Variants in CDKAL1 observed in about 807,000 individuals in gnomAD.
The protein encoded by CDKAL1 is CDKAL1 threonylcarbamoyladenosine tRNA methylthiotransferase, also known as threonylcarbamoyladenosine tRNA methylthiotransferase.
In CDKAL1, 32 loss-of-function variants were observed where a neutral mutation model predicts 68.2. That is an observed-to-expected ratio of 0.47 (90% CI 0.35 to 0.63). The LOEUF (loss-of-function observed/expected upper bound fraction) is 0.63, where lower values mean the gene tolerates loss of function less well. Ranked by LOEUF, CDKAL1 falls within the 30% of genes least tolerant of loss-of-function variation. The pLI is 0.00. For synonymous variants in CDKAL1, 234 were observed against 244.3 expected (o/e 0.96, Z 0.39); for missense variants, 606 against 696.7 (o/e 0.87, Z 1.47).
At chr6:20,642,899 A>AAACAACAACAAC (rs79933332) in intron 4 of CDKAL1, among the ~76,000 whole-genome samples, 5 of 150,316 alleles carry the variant, frequency 3.3e-5, no homozygotes, top group East Asian at 3.9e-4. Flanking sequence ...ACTTTGTCTC[A>AAACAACAACAAC]AACAACAACA....
rs7761116 is a variant in CDKAL1 at position 21,156,855 on chromosome 6, G to A, written c.1300-41166G>A. Among the ~76,000 whole-genome samples, 854 of 152,262 alleles carry A rather than the reference G, an allele frequency of 5.6e-3. 7 individuals are homozygous for A. Among genetic ancestry groups the A allele is most frequent in the African/African-American group, 0.019 (770 of 41,546 alleles). ...GCTTTGGCATGGAATCCTTCTAAGA[G>A]TATCAAACTGTATAAAGTAGGTAGG... is the stretch of plus-strand genomic sequence containing the variant. On this transcript the variant is annotated intron_variant, in intron 13 of 15. Coordinates refer to ENST00000274695, the MANE Select transcript of CDKAL1 (RefSeq NM_017774.3).
chr6:20,882,494 C>T (rs2150564176), intron 9 of CDKAL1, among the ~76,000 whole-genome samples: 1 of 152,292 alleles, frequency 6.6e-6, no homozygotes, highest in South Asian at 2.1e-4. Flanking sequence ...GTCTAATTTA[C>T]AGGGCCCAGC....
chr6:20,692,123 T>C (rs893141934), intron 5 of CDKAL1, among the ~76,000 whole-genome samples: 3 of 152,198 alleles, frequency 2.0e-5, no homozygotes, highest in Non-Finnish European at 2.9e-5. Context: ...GATTACTATC[T>C]ACCAATTGGA....
chr6:20,913,232 T>C (rs962675729), intron 9 of CDKAL1, among the ~76,000 whole-genome samples: 4 of 152,026 alleles, frequency 2.6e-5, no homozygotes, highest in Non-Finnish European at 4.4e-5. Context: ...CTGGCATAGC[T>C]TACCTCTACT....
chr6:20,762,542 A>G (rs1774515427), intron 7 of CDKAL1, among the ~76,000 whole-genome samples: 1 of 152,220 alleles, frequency 6.6e-6, no homozygotes. Flanking sequence ...TACTGCCAGT[A>G]CTTCATTCAG....
intron 4 of CDKAL1, among the ~76,000 whole-genome samples, chr6:20,629,047 T>C (rs928116123): frequency 1.3e-5 from 2 of 152,194 alleles, no homozygotes; most frequent in Non-Finnish European, 2.9e-5. Flanking sequence ...TCATTCATCT[T>C]ATTCCCTTAA....
chr6:20,899,893 T>G (rs1761880509), intron 9 of CDKAL1, among the ~76,000 whole-genome samples: 1 of 152,232 alleles, frequency 6.6e-6, no homozygotes, highest in Non-Finnish European at 1.5e-5. Context: ...AAGTTGCTAC[T>G]ATTATCCTCA....
intron 11 of CDKAL1, among the ~76,000 whole-genome samples, chr6:21,051,787 A>G (rs780337167): frequency 1.7e-4 from 26 of 152,194 alleles, no homozygotes; most frequent in Non-Finnish European, 3.8e-4. Context: ...CTATATGGGA[A>G]GCACCATCCT....
At chr6:21,032,416 G>A (rs537845139) in intron 11 of CDKAL1, among the ~76,000 whole-genome samples, 13 of 152,112 alleles carry the variant, frequency 8.5e-5, no homozygotes, top group East Asian at 1.9e-4. Context: ...TCAAAACAGC[G>A]GAACTCTGTC....
chr6:20,936,627 A>G (rs948947526), intron 9 of CDKAL1, among the ~76,000 whole-genome samples: 4 of 152,034 alleles, frequency 2.6e-5, no homozygotes, highest in African/African-American at 7.2e-5. Context: ...CCACTTGCTG[A>G]TGACAATGGC....
chr6:20,609,297 TCTCCTC>T (rs200864002), intron 4 of CDKAL1, among the ~76,000 whole-genome samples: 6 of 136,088 alleles, frequency 4.4e-5, no homozygotes, highest in African/African-American at 9.4e-5. Context: ...TTCTTCTCCT[TCTCCTC>T]CTCCTCCTCC....
At chr6:21,106,076 G>A (rs1356189525) in intron 12 of CDKAL1, among the ~76,000 whole-genome samples, 6 of 152,136 alleles carry the variant, frequency 3.9e-5, no homozygotes, top group Admixed American at 3.9e-4. Context: ...TACCTGTTAA[G>A]GTAATAAATG....
At chr6:21,039,515 G>A (rs1769791392) in intron 11 of CDKAL1, among the ~76,000 whole-genome samples, 1 of 152,182 alleles carries the variant, frequency 6.6e-6, no homozygotes, top group Non-Finnish European at 1.5e-5. Context: ...CAGCTCAACA[G>A]TAAGCTTTAT....
intron 9 of CDKAL1, among the ~76,000 whole-genome samples, chr6:20,903,903 G>T (rs1413431658): frequency 1.3e-5 from 2 of 152,172 alleles, no homozygotes; most frequent in Non-Finnish European, 2.9e-5. Flanking sequence ...TGATGTAACT[G>T]TTTTGGAACT....
At chr6:20,692,893 G>T (rs1770932476) in intron 5 of CDKAL1, among the ~76,000 whole-genome samples, 1 of 151,874 alleles carries the variant, frequency 6.6e-6, no homozygotes, top group African/African-American at 2.4e-5. Flanking sequence ...TTGGGAGGCC[G>T]AGGTGGGTGG....
intron 10 of CDKAL1, among the ~76,000 whole-genome samples, chr6:20,963,430 C>T (rs752009495): frequency 6.6e-6 from 1 of 152,140 alleles, no homozygotes; most frequent in Admixed American, 6.5e-5. Context: ...GCCCAAGAAG[C>T]CAAAGCTTTT....
intron 8 of CDKAL1, among the ~76,000 whole-genome samples, chr6:20,819,645 T>G (rs945497961): frequency 4.6e-5 from 7 of 152,194 alleles, no homozygotes; most frequent in Non-Finnish European, 1.0e-4. Flanking sequence ...ACATTTATCT[T>G]GTGCTATATC....
At chr6:21,176,546 T>A (rs1252009847) in intron 13 of CDKAL1, among the ~76,000 whole-genome samples, 1 of 152,240 alleles carries the variant, frequency 6.6e-6, no homozygotes, top group Non-Finnish European at 1.5e-5. Flanking sequence ...TGGAATTTAT[T>A]TGCGTAGCAA....
At position 20,828,935 on chromosome 6, in the gene CDKAL1, A is replaced by G. The variant is rs149022040; in HGVS notation, c.639-17140A>G. Among the ~76,000 whole-genome samples the G allele has an allele frequency of 1.5e-3, 222 of 152,288 alleles. 4 individuals carry two copies. In the East Asian group the frequency reaches 0.019, roughly 13 times the overall value. ...AGGTACCTCATATAAGTAGAATCGT[A>G]TAGTGTTTGTCATTTTGTGACTGGC... On this transcript the variant is annotated intron_variant, in intron 8 of 15. Coordinates refer to ENST00000274695, the MANE Select transcript of CDKAL1 (RefSeq NM_017774.3).
Sources: gnomAD v4.1 joint callset for allele counts (sites outside exome capture counted in the v4.1 genomes callset) on GRCh38, gnomAD v4.1.1 for gene constraint, MANE v1.5 for transcripts, NCBI Gene and HGNC (gene_info 2026-07-23, HGNC 2026-07-21) for gene names.